LRPPRC: variants seen among roughly 807,000 people sequenced by gnomAD.
The protein encoded by LRPPRC is leucine-rich PPR motif-containing protein, mitochondrial.
Under a neutral mutation model 180.3 loss-of-function variants are expected in LRPPRC, and 120 were observed. The ratio of observed to expected loss-of-function variants is 0.67; its 90% CI spans 0.57 to 0.77. LRPPRC has a LOEUF of 0.77. Among genes scored for constraint, LRPPRC ranks in the 30% least tolerant of loss-of-function variants. LRPPRC has a pLI of 0.00. For missense variants in LRPPRC, 2,012 were observed against 1,657.2 expected (o/e 1.21, Z -3.72); for synonymous variants, 723 against 600.0 (o/e 1.21, Z -3.00).
Position 43,901,558 on chromosome 2 carries a change from T to C in LRPPRC, c.3365-34A>G, listed in dbSNP as rs17031757. On this transcript the variant is annotated intron_variant, in intron 31 of 37. Transcript: ENST00000260665. ...CAAGAGCAGGAGATGGCTTTTCTTATATGACCTGTGCTGACTTTAATGCAT... is the reference window on the plus strand; with the variant it reads ...CAAGAGCAGGAGATGGCTTTTCTTACATGACCTGTGCTGACTTTAATGCAT... 4,429 of 1,382,684 alleles carry C rather than the reference T, an allele frequency of 3.2e-3. 128 individuals carry two copies. The African/African-American group carries it at 0.057, about 18-fold the overall frequency. The allele number at this position is 1,382,684 out of a possible 1,614,324, so 85.7% of individuals were successfully genotyped here. A position where few individuals can be genotyped will look rare whatever the true frequency, so the allele number is the denominator to read the frequency against.
chr2:43,984,033 T>A (rs774243363), intron 1 of LRPPRC, among the ~76,000 whole-genome samples: 1 of 152,094 alleles, frequency 6.6e-6, no homozygotes, highest in Non-Finnish European at 1.5e-5. Flanking sequence ...CTCGAGTTTG[T>A]CAAACGAGCT....
chr2:43,949,700 A>G (rs750558094), intron 15 of LRPPRC, 41 bp from the exon 16 acceptor site: 1 of 1,189,108 alleles, frequency 8.4e-7, no homozygotes, highest in Non-Finnish European at 1.3e-6. Flanking sequence ...CAAGAGAAGC[A>G]AACAAGAACA....
At chr2:43,896,506 G>A in intron 35 of LRPPRC, 128 bp downstream of exon 35, 1 of 681,802 alleles carries the variant, frequency 1.5e-6, no homozygotes, top group Non-Finnish European at 2.6e-6. Context: ...GTAGAGACAA[G>A]CAAAGTCTTG....
At position 43,946,231 on chromosome 2, in the gene LRPPRC, C is replaced by T. The variant is rs1353894175; in HGVS notation, c.2092G>A (p.Ala698Thr). 1.2e-6 allele frequency: 2 copies of T among 1,611,278 alleles called. No homozygotes were observed. The highest frequency in any genetic ancestry group is 2.2e-5 in the South Asian group (2 of 91,012). ...TCATATTTTGCTTTCAATTCAAGGG[C>T]TTTTTGCATATTCTAAAATACAGCA... ...VLCSEENMQK[A>T]LELKAKYESD... The change falls in exon 21 of 38, where the codon GCC becomes ACC. Residue 698 changes from alanine to threonine, a missense_variant. Transcript: ENST00000260665.
chr2:43,942,234 C>T (rs544333132), intron 23 of LRPPRC, among the ~76,000 whole-genome samples: 2 of 152,122 alleles, frequency 1.3e-5, no homozygotes, highest in East Asian at 1.9e-4. Context: ...TATTTTTGCC[C>T]GGTAGTGTAG....
intron 21 of LRPPRC, 35 bp from the exon 22 acceptor site, chr2:43,945,452 A>C (rs371553616): frequency 3.3e-6 from 4 of 1,229,720 alleles, no homozygotes; most frequent in Admixed American, 3.4e-5. Flanking sequence ...TTGTTTTAAA[A>C]GTCAATTAAC....
At chr2:43,891,718 C>T (rs1169209436) in intron 36 of LRPPRC, among the ~76,000 whole-genome samples, 1 of 152,160 alleles carries the variant, frequency 6.6e-6, no homozygotes, top group Non-Finnish European at 1.5e-5. Context: ...CTATTATAGC[C>T]TCTAAGTGTT....
At chr2:43,896,497 T>A in intron 35 of LRPPRC, 137 bp downstream of exon 35, 1 of 662,084 alleles carries the variant, frequency 1.5e-6, no homozygotes, top group Non-Finnish European at 2.7e-6. Context: ...TGACTCTAAG[T>A]AGAGACAAGC....
At chr2:43,977,961 C>T (rs1458036102) in intron 3 of LRPPRC, among the ~76,000 whole-genome samples, 2 of 152,144 alleles carry the variant, frequency 1.3e-5, no homozygotes, top group African/African-American at 4.8e-5. Context: ...TGTGACCATA[C>T]AGGCCTATGG....
chr2:43,944,678 A>G (rs1262729445), intron 22 of LRPPRC, among the ~76,000 whole-genome samples: 2 of 152,094 alleles, frequency 1.3e-5, no homozygotes, highest in African/African-American at 4.8e-5. Context: ...GAAGGCTAAA[A>G]AGGAAATTTC....
intron 1 of LRPPRC, among the ~76,000 whole-genome samples, chr2:43,986,023 C>G (rs1408762023): frequency 6.6e-6 from 1 of 152,170 alleles, no homozygotes; most frequent in Non-Finnish European, 1.5e-5. Flanking sequence ...AGTGGTATCT[C>G]ATTGTTGTTT....
chr2:43,972,557 G>A (rs1457533819), intron 11 of LRPPRC, among the ~76,000 whole-genome samples: 1 of 152,108 alleles, frequency 6.6e-6, no homozygotes, highest in Admixed American at 6.6e-5. Context: ...CCAAAACACT[G>A]GGTTATAGGT....
chr2:43,900,818 T>G (rs1265776793), intron 32 of LRPPRC, among the ~76,000 whole-genome samples: 2 of 152,028 alleles, frequency 1.3e-5, no homozygotes, highest in Admixed American at 1.3e-4. Flanking sequence ...GGGGTAATTC[T>G]CAAAAGGAAT....
intron 27 of LRPPRC, among the ~76,000 whole-genome samples, chr2:43,923,877 C>T (rs997179741): frequency 6.6e-6 from 1 of 152,136 alleles, no homozygotes; most frequent in African/African-American, 2.4e-5. Context: ...AATGTTAGTG[C>T]TCAAACACAG....
chr2:43,976,311 T>C (rs1674052247), intron 5 of LRPPRC, 82 bp from the exon 6 acceptor site: 2 of 778,222 alleles, frequency 2.6e-6, no homozygotes, highest in East Asian at 2.6e-5. Flanking sequence ...GGCCTTGAGT[T>C]ACTTTTGTTT....
intron 11 of LRPPRC, among the ~76,000 whole-genome samples, chr2:43,971,485 T>TAAAAAAAGA (rs1673803146): frequency 1.6e-5 from 1 of 62,418 alleles, no homozygotes; most frequent in Non-Finnish European, 2.8e-5. Context: ...TGTGTCACAG[T>TAAAAAAAGA]AAAAAAAAAA....
At chr2:43,900,720 T>C (rs1434394805) in intron 32 of LRPPRC, among the ~76,000 whole-genome samples, 1 of 152,212 alleles carries the variant, frequency 6.6e-6, no homozygotes, top group Admixed American at 6.5e-5. Flanking sequence ...AAAGAACATT[T>C]TTTCTAAAAG....
chr2:43,909,586 TTC>T (rs563445520), intron 30 of LRPPRC, among the ~76,000 whole-genome samples: 47 of 149,224 alleles, frequency 3.1e-4, no homozygotes, highest in African/African-American at 1.1e-3. Flanking sequence ...ATCATAAGTG[TTC>T]TCTCTCACAC....
Position 43,974,290 on chromosome 2 carries a change from T to C in LRPPRC, c.1015A>G (p.Met339Val), listed in dbSNP as rs141065305. ...GTGACTAAAAGTAAAATGAGGTTCA[T>C]TGCATCTGGGAAGAAAACAAAGACA... ...TCERRYIPDA[M>V]NLILLLVTEK... Residue 339 changes from methionine (M) to valine (V), a missense_variant, in exon 9 of 38, where the codon ATG becomes GTG. Transcript: ENST00000260665. The C allele has an allele frequency of 6.2e-7, 1 of 1,610,714 alleles. No individual in the cohort carries two copies. Among genetic ancestry groups the C allele is most frequent in the Non-Finnish European group, 8.5e-7 (1 of 1,176,882 alleles).
Sources: gnomAD v4.1 joint callset for allele counts (sites outside exome capture counted in the v4.1 genomes callset) on GRCh38, gnomAD v4.1.1 for gene constraint, MANE v1.5 for transcripts, NCBI Gene and HGNC (gene_info 2026-07-23, HGNC 2026-07-21) for gene names.